CES5A: variants seen among roughly 807,000 people sequenced by gnomAD.
CES5A encodes the protein carboxylesterase 5A.
CES5A carries 67 observed loss-of-function variants against 62.9 expected under a neutral mutation model. That is an observed-to-expected ratio of 1.07 (90% CI 0.88 to 1.31). The LOEUF is 1.31. Ranked by LOEUF, CES5A falls within the 50% of genes most tolerant of loss-of-function variation. The pLI, the probability that CES5A is intolerant of heterozygous loss-of-function variation, is 0.00. For missense variants in CES5A, 748 were observed against 708.5 expected (o/e 1.06, Z -0.63); for synonymous variants, 296 against 280.8 (o/e 1.05, Z -0.54).
At chr16:55,875,065 TG>T (rs2033669356) in intron 1 of CES5A, 83 bp downstream of exon 1, 1 of 1,379,810 alleles carries the variant, frequency 7.2e-7, no homozygotes, top group Non-Finnish European at 1.0e-6. Flanking sequence ...CAGAGACCTC[TG>T]AAGAATAACT....
chr16:55,847,330 CCT>C (rs1396527016), intron 11 of CES5A, among the ~76,000 whole-genome samples: 7 of 149,756 alleles, frequency 4.7e-5, no homozygotes, highest in Admixed American at 2.7e-4. Flanking sequence ...CTCTTTCTTC[CCT>C]CTCTCTGTTC....
At chr16:55,903,864 C>T (rs1360522306) in intron 1 of CES5A, among the ~76,000 whole-genome samples, 1 of 152,162 alleles carries the variant, frequency 6.6e-6, no homozygotes, top group East Asian at 1.9e-4. Flanking sequence ...CAACTCTTCC[C>T]CTATGGTACA....
chr16:55,880,339 A>G (rs1459162551), upstream of CES5A, among the ~76,000 whole-genome samples: 2 of 152,188 alleles, frequency 1.3e-5, no homozygotes, highest in African/African-American at 4.8e-5. Flanking sequence ...AGGAACCCTC[A>G]ACAGAAGGGT....
rs1390056652 is a variant in CES5A, at chr16:55,868,531, TG to T, written c.551+1079del. On this transcript the variant is annotated intron_variant, in intron 4 of 12. Coordinates refer to ENST00000290567, the MANE Select transcript of CES5A (RefSeq NM_001143685.2). ...CCTGATCCCTTGCAACTCCCTCCTC[TG>T]TTTCCACAGCTCCATGGCCTCTCAC... Among the ~76,000 whole-genome samples, 5 of 152,222 alleles carry T rather than the reference TG, an allele frequency of 3.3e-5. No individual in the cohort carries two copies. In the East Asian group the frequency reaches 9.6e-4, roughly 29 times the overall value.
intron 2 of CES5A, among the ~76,000 whole-genome samples, chr16:55,934,493 T>G (rs1331084595): frequency 3.9e-5 from 6 of 152,176 alleles, no homozygotes; most frequent in Admixed American, 3.9e-4. Flanking sequence ...TCCCACTGCA[T>G]GGGGATAGGG....
chr16:55,875,434 A>T (rs1597129925), upstream of CES5A: 1 of 1,211,960 alleles, frequency 8.3e-7, no homozygotes, highest in Admixed American at 3.5e-5. Context: ...GAAGCTGATG[A>T]TTAACTATTG....
At chr16:55,907,100 G>A (rs760491449) in intron 1 of CES5A, among the ~76,000 whole-genome samples, 34 of 152,224 alleles carry the variant, frequency 2.2e-4, no homozygotes, top group African/African-American at 6.5e-4. Flanking sequence ...TGATGATGAC[G>A]ATGATAAGAT....
intron 2 of CES5A, among the ~76,000 whole-genome samples, chr16:55,872,451 G>C (rs2033611346): frequency 6.6e-6 from 1 of 152,144 alleles, no homozygotes; most frequent in African/African-American, 2.4e-5. Context: ...CTGAGGTTGT[G>C]CGTGTGCATT....
chr16:55,878,227 T>C (rs2033718630), upstream of CES5A, among the ~76,000 whole-genome samples: 1 of 151,970 alleles, frequency 6.6e-6, no homozygotes, highest in Non-Finnish European at 1.5e-5. Context: ...TGATAGGTGG[T>C]AAAAATCAAA....
At chr16:55,898,844 A>G (rs150428854) in intron 1 of CES5A, among the ~76,000 whole-genome samples, 373 of 152,204 alleles carry the variant, frequency 2.5e-3, no homozygotes, top group African/African-American at 8.5e-3. Context: ...GGTCACCCTC[A>G]TGACCACTTT....
chr16:55,939,778 A>C (rs188427868), intron 2 of CES5A, among the ~76,000 whole-genome samples: 6 of 152,316 alleles, frequency 3.9e-5, no homozygotes, highest in Admixed American at 3.9e-4. Flanking sequence ...GGATCATAAA[A>C]CAAGCTTTAA....
At chr16:55,955,824 A>C (rs1280002163) in intron 1 of CES5A, 2 of 1,535,688 alleles carry the variant, frequency 1.3e-6, no homozygotes, top group Non-Finnish European at 1.7e-6. Context: ...AGGCAGTAGC[A>C]CCCTGTGGCT....
At chr16:55,869,063 T>A (rs1266813220) in intron 4 of CES5A, among the ~76,000 whole-genome samples, 4 of 152,144 alleles carry the variant, frequency 2.6e-5, no homozygotes, top group Non-Finnish European at 5.9e-5. Flanking sequence ...AGACCTGGGG[T>A]GAGGCTCAGG....
intron 1 of CES5A, among the ~76,000 whole-genome samples, chr16:55,902,983 C>G (rs77960298): frequency 6.6e-6 from 1 of 152,004 alleles, no homozygotes; most frequent in Non-Finnish European, 1.5e-5. Flanking sequence ...GACAGTATAA[C>G]GAAGAAGGGC....
chr16:55,937,331 G>A (rs1284780161), intron 2 of CES5A, among the ~76,000 whole-genome samples: 1 of 152,174 alleles, frequency 6.6e-6, no homozygotes, highest in African/African-American at 2.4e-5. Flanking sequence ...AACTCTCCTG[G>A]AGGGCAGGGA....
chr16:55,929,078 A>G (rs6499804), upstream of CES5A, among the ~76,000 whole-genome samples: 35,467 of 152,256 alleles, frequency 0.23, 5,181 homozygotes, highest in Non-Finnish European at 0.33. Flanking sequence ...CAGAAGGTCT[A>G]GAAGCACATG....
Position 55,853,016 on chromosome 16 carries a change from G to T in CES5A, c.1138C>A (p.Gln380Lys), listed in dbSNP as rs1176170350. Residue 380 changes from glutamine to lysine, a missense_variant, in exon 10 of 13, where the codon CAG becomes AAG. Gln to Lys is a moderately conservative substitution (Grantham distance 53). Coordinates refer to ENST00000290567, the MANE Select transcript of CES5A (RefSeq NM_001143685.2). ...TCATTAGCCACAAGGTGCAAATACTGAGGCGGGATGTGCTGTAAAAATATC... is the reference window on the plus strand; with the variant it reads ...TCATTAGCCACAAGGTGCAAATACTTAGGCGGGATGTGCTGTAAAAATATC... ...LIQNILHIPP[Q>K]YLHLVANEYF... The T allele has an allele frequency of 6.2e-7, 1 of 1,614,136 alleles. No individual in the cohort carries two copies. The highest frequency in any genetic ancestry group is 8.5e-7 in the Non-Finnish European group (1 of 1,180,014).
At chr16:55,947,053 G>T (rs900978010) in intron 2 of CES5A, among the ~76,000 whole-genome samples, 1 of 152,318 alleles carries the variant, frequency 6.6e-6, no homozygotes, top group South Asian at 2.1e-4. Context: ...GGCATGGGAA[G>T]GTTAAAATGG....
chr16:55,850,870 T>A (rs1468402559), intron 10 of CES5A, among the ~76,000 whole-genome samples: 1 of 149,840 alleles, frequency 6.7e-6, no homozygotes, highest in African/African-American at 2.5e-5. Flanking sequence ...TTGGTTTCTC[T>A]ATGTCCTTCA....
Sources: allele counts gnomAD v4.1 joint callset (sites outside exome capture counted in the v4.1 genomes callset), GRCh38; gene constraint gnomAD v4.1.1; transcripts MANE v1.5; gene names NCBI Gene and HGNC (gene_info 2026-07-23, HGNC 2026-07-21).